CSMD1: variants seen among roughly 807,000 people sequenced by gnomAD.
CSMD1 encodes the protein CUB and sushi domain-containing protein 1.
In CSMD1, 213 loss-of-function variants were observed where a neutral mutation model predicts 417.5. The observed-to-expected ratio is 0.51, with a 90% CI of 0.46 to 0.57. The LOEUF (loss-of-function observed/expected upper bound fraction) is 0.57. Among genes scored for constraint, CSMD1 ranks in the 20% least tolerant of loss-of-function variants. CSMD1 has a pLI of 0.00. For missense variants in CSMD1, 6,923 were observed against 4,529.7 expected (o/e 1.53, Z -15.17); for synonymous variants, 2,862 against 1,736.8 (o/e 1.65, Z -16.11).
intron 7 of CSMD1, among the ~76,000 whole-genome samples, chr8:3,656,826 G>A (rs995903892): frequency 1.3e-5 from 2 of 152,026 alleles, no homozygotes; most frequent in Non-Finnish European, 2.9e-5. Flanking sequence ...TCAGGAGGCT[G>A]AGGCAGATGA....
At chr8:3,272,929 C>G (rs1024282736) in intron 26 of CSMD1, among the ~76,000 whole-genome samples, 2 of 149,232 alleles carry the variant, frequency 1.3e-5, no homozygotes, top group African/African-American at 2.5e-5. Flanking sequence ...TTATTTCCTT[C>G]TCCTGCCTAA....
At chr8:4,440,262 T>A (rs1445657114) in intron 2 of CSMD1, among the ~76,000 whole-genome samples, 2 of 152,168 alleles carry the variant, frequency 1.3e-5, no homozygotes, top group Non-Finnish European at 2.9e-5. Flanking sequence ...TGTATATATT[T>A]ATAAGATGCT....
At chr8:4,125,022 T>G (rs1268840114) in intron 3 of CSMD1, among the ~76,000 whole-genome samples, 1 of 150,638 alleles carries the variant, frequency 6.6e-6, no homozygotes, top group Non-Finnish European at 1.5e-5. Context: ...CGCCGCACAC[T>G]CTTGGGGTCC....
intron 4 of CSMD1, among the ~76,000 whole-genome samples, chr8:4,014,336 G>T (rs1428479034): frequency 6.6e-6 from 1 of 152,136 alleles, no homozygotes; most frequent in African/African-American, 2.4e-5. Context: ...TTCAATTATA[G>T]AGAGAAAATA....
chr8:3,188,529 A>G (rs370822051), intron 35 of CSMD1, among the ~76,000 whole-genome samples: 5 of 150,416 alleles, frequency 3.3e-5, no homozygotes, highest in Non-Finnish European at 7.4e-5. Context: ...CTAGTCTTGA[A>G]CTCCTGACAT....
chr8:3,121,944 T>A (rs945037161), intron 41 of CSMD1, among the ~76,000 whole-genome samples: 1 of 152,224 alleles, frequency 6.6e-6, no homozygotes, highest in Non-Finnish European at 1.5e-5. Context: ...ATTTTATTTA[T>A]AATGCACCTA....
At chr8:4,917,323 C>A (rs182619121) in intron 1 of CSMD1, among the ~76,000 whole-genome samples, 1 of 152,318 alleles carries the variant, frequency 6.6e-6, no homozygotes, top group Non-Finnish European at 1.5e-5. Context: ...ACCTTCAACA[C>A]TGGGCATTAC....
intron 1 of CSMD1, among the ~76,000 whole-genome samples, chr8:4,939,572 T>G (rs1183185195): frequency 1.3e-5 from 2 of 151,478 alleles, no homozygotes; most frequent in Non-Finnish European, 2.9e-5. Context: ...TGATCTTGCT[T>G]ACATGTAGAA....
intron 12 of CSMD1, among the ~76,000 whole-genome samples, chr8:3,433,536 G>T (rs893584906): frequency 1.5e-4 from 23 of 152,112 alleles, no homozygotes; most frequent in African/African-American, 5.6e-4. Flanking sequence ...TAATGACCAT[G>T]GTTCTTTCGG....
At chr8:4,341,368 C>T (rs190316607) in intron 3 of CSMD1, among the ~76,000 whole-genome samples, 14 of 152,120 alleles carry the variant, frequency 9.2e-5, no homozygotes, top group African/African-American at 2.6e-4. Flanking sequence ...TATTCACTAT[C>T]GCAGGAAATA....
At chr8:4,468,866 C>G (rs1295589553) in intron 2 of CSMD1, among the ~76,000 whole-genome samples, 1 of 152,118 alleles carries the variant, frequency 6.6e-6, no homozygotes, top group African/African-American at 2.4e-5. Context: ...TAATTATAAA[C>G]TTGAACACTG....
At chr8:3,208,525 A>C (rs1444511032) in intron 30 of CSMD1, among the ~76,000 whole-genome samples, 3 of 152,132 alleles carry the variant, frequency 2.0e-5, no homozygotes, top group Non-Finnish European at 4.4e-5. Flanking sequence ...TCGGCCTCCC[A>C]AGGTGCTGGG....
Position 3,969,879 on chromosome 8 carries a change from G to A in CSMD1, c.818+28024C>T, listed in dbSNP as rs533033108. 3.9e-4 allele frequency among the ~76,000 whole-genome samples: 60 copies of A among 152,230 alleles called. 1 individual carries two copies. In the South Asian group the frequency reaches 6.0e-3, roughly 15 times the overall value. On this transcript the variant is annotated intron_variant, in intron 5 of 69. Transcript: ENST00000635120. ...TTCTAGAAAGCTGTCAAATTAGAAAGCAAAGCTCTGGATAATTTGCAAAAA... is the reference window on the plus strand; with the variant it reads ...TTCTAGAAAGCTGTCAAATTAGAAAACAAAGCTCTGGATAATTTGCAAAAA...
intron 12 of CSMD1, among the ~76,000 whole-genome samples, chr8:3,441,300 G>C (rs1458085677): frequency 1.3e-5 from 2 of 152,034 alleles, no homozygotes; most frequent in Admixed American, 6.6e-5. Context: ...CAGTACATTT[G>C]TGGTGGTTAG....
intron 3 of CSMD1, among the ~76,000 whole-genome samples, chr8:4,073,843 G>T (rs946984532): frequency 6.6e-6 from 1 of 151,968 alleles, no homozygotes; most frequent in East Asian, 1.9e-4. Context: ...TAATAGTTGG[G>T]TTTAAAACAG....
At chr8:3,004,007 C>T (rs1277463883) in intron 52 of CSMD1, among the ~76,000 whole-genome samples, 8 of 152,162 alleles carry the variant, frequency 5.3e-5, no homozygotes, top group Non-Finnish European at 8.8e-5. Flanking sequence ...CGTGACTCTG[C>T]CACTATTTGA....
intron 5 of CSMD1, among the ~76,000 whole-genome samples, chr8:3,921,999 T>C (rs1328950258): frequency 1.3e-5 from 2 of 152,168 alleles, no homozygotes; most frequent in Non-Finnish European, 1.5e-5. Flanking sequence ...TTCCATACTG[T>C]TAATATATTG....
intron 39 of CSMD1, among the ~76,000 whole-genome samples, chr8:3,157,225 G>A (rs996501941): frequency 2.6e-5 from 4 of 152,134 alleles, no homozygotes; most frequent in South Asian, 2.1e-4. Flanking sequence ...TGAAGCTGGG[G>A]GCCTGAATGA....
chr8:3,722,044 C>A (rs1174920266), intron 6 of CSMD1, among the ~76,000 whole-genome samples: 2 of 152,102 alleles, frequency 1.3e-5, no homozygotes, highest in East Asian at 3.9e-4. Context: ...AGAGATGTGT[C>A]AGAAGCATAA....
Sources: gnomAD v4.1 joint callset for allele counts (sites outside exome capture counted in the v4.1 genomes callset) on GRCh38, gnomAD v4.1.1 for gene constraint, MANE v1.5 for transcripts, NCBI Gene and HGNC (gene_info 2026-07-23, HGNC 2026-07-21) for gene names.